Variants in PLCL1 observed in about 807,000 individuals in gnomAD.
The protein encoded by PLCL1 is phospholipase C like 1 (inactive).
PLCL1 carries 41 observed loss-of-function variants against 84.4 expected under a neutral mutation model. The ratio of observed to expected loss-of-function variants is 0.49; its 90% CI spans 0.38 to 0.63. The LOEUF (loss-of-function observed/expected upper bound fraction) is 0.63, where lower values mean the gene tolerates loss of function less well. PLCL1 is among the 30% of genes least tolerant of loss of function. The pLI is 0.00. For missense variants in PLCL1, 1,206 were observed against 1,367.8 expected, an observed-to-expected ratio of 0.88 and a Z score of 1.87; for synonymous variants, 490 against 488.3, an observed-to-expected ratio of 1.00 and a Z score of -0.05.
At chr2:198,135,944 A>C (rs1694246266) in intron 5 of PLCL1, among the ~76,000 whole-genome samples, 1 of 152,222 alleles carries the variant, frequency 6.6e-6, no homozygotes, top group Non-Finnish European at 1.5e-5. Flanking sequence ...TAAGAAAATA[A>C]GCTTTTGAGA....
chr2:197,920,427 T>C (rs1023521307), intron 1 of PLCL1, among the ~76,000 whole-genome samples: 9 of 152,094 alleles, frequency 5.9e-5, no homozygotes, highest in Non-Finnish European at 1.3e-4. Flanking sequence ...TTCTTGGAAT[T>C]GGAAATTATT....
rs185769199 is a variant in PLCL1, at chr2:198,091,553, G to A, written c.2919+2492G>A. Among the ~76,000 whole-genome samples, 972 of 151,874 alleles carry A rather than the reference G, an allele frequency of 6.4e-3. 7 individuals are homozygous for A. The highest frequency in any genetic ancestry group is 0.01 in the Non-Finnish European group (686 of 67,874). Reference sequence around the variant, plus strand: ...AAATTAGCCGGGCATGGTGGCACCCGCCTGTAATCCCAGCTACTTGGGAGG... The same window carrying A: ...AAATTAGCCGGGCATGGTGGCACCCACCTGTAATCCCAGCTACTTGGGAGG... On this transcript the variant is annotated intron_variant, in intron 3 of 5. Transcript: ENST00000428675.
chr2:197,848,799 A>G (rs939640304), intron 1 of PLCL1, among the ~76,000 whole-genome samples: 6 of 152,122 alleles, frequency 3.9e-5, no homozygotes, highest in African/African-American at 1.4e-4. Flanking sequence ...GACCCAAGTG[A>G]TGGTGTCTGG....
chr2:197,832,792 AG>A (rs750506559), intron 1 of PLCL1, among the ~76,000 whole-genome samples: 1 of 152,230 alleles, frequency 6.6e-6, no homozygotes, highest in Non-Finnish European at 1.5e-5. Context: ...CACATCAAAA[AG>A]CTTATCCACC....
Position 197,804,960 on chromosome 2 carries a change from C to T in PLCL1, c.-140C>T. 9.2e-7 allele frequency: 1 copy of T among 1,083,924 alleles called. No homozygotes were observed. The highest frequency in any genetic ancestry group is 1.3e-6 in the Non-Finnish European group (1 of 789,166). 67.1% of individuals were successfully genotyped at this position (1,083,924 alleles called of 1,614,324 possible). On this transcript the variant is annotated 5_prime_UTR_variant, in exon 1 of 6. Transcript: ENST00000428675. ...AGAAAGTTGCCGCCGCCGCCGCCGCCGCCGCCACTGCCGCCGCTGGGCGGT... is the reference window on the plus strand; with the variant it reads ...AGAAAGTTGCCGCCGCCGCCGCCGCTGCCGCCACTGCCGCCGCTGGGCGGT...
intron 5 of PLCL1, among the ~76,000 whole-genome samples, chr2:198,119,329 A>G (rs1457134945): frequency 6.6e-6 from 1 of 152,036 alleles, no homozygotes; most frequent in Non-Finnish European, 1.5e-5. Flanking sequence ...CTTGAGTGAG[A>G]GAAATGATTT....
At chr2:198,113,803 G>A (rs972427480) in intron 5 of PLCL1, among the ~76,000 whole-genome samples, 1 of 151,780 alleles carries the variant, frequency 6.6e-6, no homozygotes, top group African/African-American at 2.4e-5. Context: ...TTAGCATTAT[G>A]GCTAATTTGT....
intron 1 of PLCL1, among the ~76,000 whole-genome samples, chr2:197,921,682 G>A (rs539218585): frequency 6.6e-6 from 1 of 152,144 alleles, no homozygotes; most frequent in South Asian, 2.1e-4. Context: ...TTCCACCTCT[G>A]TACCTTTGAT....
At chr2:197,939,005 A>C (rs1422104179) in intron 1 of PLCL1, among the ~76,000 whole-genome samples, 1 of 152,234 alleles carries the variant, frequency 6.6e-6, no homozygotes, top group Non-Finnish European at 1.5e-5. Context: ...TATAGGGAAC[A>C]GATATTAAAT....
chr2:197,957,965 A>G (rs528556807), intron 1 of PLCL1, among the ~76,000 whole-genome samples: 3 of 152,242 alleles, frequency 2.0e-5, no homozygotes, highest in East Asian at 3.9e-4. Flanking sequence ...TAATCTTGAC[A>G]AAATCAAATG....
At chr2:197,829,537 C>T (rs1476585158) in intron 1 of PLCL1, among the ~76,000 whole-genome samples, 2 of 151,990 alleles carry the variant, frequency 1.3e-5, no homozygotes, top group Non-Finnish European at 2.9e-5. Flanking sequence ...TAATTTTCTT[C>T]TTTTTAAAAG....
intron 1 of PLCL1, among the ~76,000 whole-genome samples, chr2:198,070,503 A>C (rs1157242674): frequency 6.6e-6 from 1 of 152,098 alleles, no homozygotes; most frequent in Non-Finnish European, 1.5e-5. Flanking sequence ...CATTCTTTTC[A>C]CCACAGCTAA....
intron 5 of PLCL1, among the ~76,000 whole-genome samples, chr2:198,109,139 T>G (rs1345639316): frequency 6.6e-6 from 1 of 151,828 alleles, no homozygotes; most frequent in African/African-American, 2.4e-5. Context: ...TTTCTCACAG[T>G]TCTTGGGGCT....
At chr2:197,937,800 C>T (rs904985584) in intron 1 of PLCL1, among the ~76,000 whole-genome samples, 7 of 152,054 alleles carry the variant, frequency 4.6e-5, no homozygotes, top group African/African-American at 1.2e-4. Flanking sequence ...AAAGAACTTA[C>T]GGTCCATTAG....
intron 1 of PLCL1, among the ~76,000 whole-genome samples, chr2:197,868,305 C>T (rs984471154): frequency 6.6e-6 from 1 of 152,150 alleles, no homozygotes; most frequent in Non-Finnish European, 1.5e-5. Context: ...CAGTGTCTTT[C>T]ATATCAGATG....
At chr2:197,884,794 G>T (rs1559034779) in intron 1 of PLCL1, among the ~76,000 whole-genome samples, 3 of 151,858 alleles carry the variant, frequency 2.0e-5, no homozygotes. Context: ...CTCTTATCTG[G>T]ATTCTTTCAG....
At chr2:197,936,839 A>G (rs1309736276) in intron 1 of PLCL1, among the ~76,000 whole-genome samples, 1 of 152,064 alleles carries the variant, frequency 6.6e-6, no homozygotes, top group Non-Finnish European at 1.5e-5. Context: ...AAAGTCATAT[A>G]CAAAAAAATC....
intron 1 of PLCL1, among the ~76,000 whole-genome samples, chr2:197,963,031 G>T (rs554402580): frequency 1.3e-5 from 2 of 151,942 alleles, no homozygotes; most frequent in Non-Finnish European, 2.9e-5. Flanking sequence ...GTGTTGCAGC[G>T]AACATGGGAG....
intron 1 of PLCL1, among the ~76,000 whole-genome samples, chr2:197,916,146 C>T (rs981156562): frequency 2.6e-5 from 4 of 152,180 alleles, no homozygotes; most frequent in Admixed American, 2.0e-4. Flanking sequence ...ATTCAGATAA[C>T]ATTATTTTGA....
Sources: gnomAD v4.1 joint callset for allele counts (sites outside exome capture counted in the v4.1 genomes callset) on GRCh38, gnomAD v4.1.1 for gene constraint, MANE v1.5 for transcripts, NCBI Gene and HGNC (gene_info 2026-07-23, HGNC 2026-07-21) for gene names.